Variants in PAX2 observed in about 807,000 individuals in gnomAD.
PAX2 encodes the protein paired box 2, also known as paired box protein Pax-2.
PAX2 carries 9 observed loss-of-function variants against 41.7 expected under a neutral mutation model. The ratio of observed to expected loss-of-function variants is 0.22; its 90% CI spans 0.13 to 0.38. PAX2 has a LOEUF of 0.38. PAX2 is among the 10% of genes least tolerant of loss of function. The pLI is 1.00. For missense variants in PAX2, 418 were observed against 531.6 expected (o/e 0.79, Z 2.10); for synonymous variants, 221 against 212.7 (o/e 1.04, Z -0.34).
intron 1 of PAX2, among the ~76,000 whole-genome samples, chr10:100,738,349 T>G (rs940654882): frequency 6.6e-6 from 1 of 152,176 alleles, no homozygotes; most frequent in African/African-American, 2.4e-5. Flanking sequence ...GCGGAGGCCT[T>G]GGCCTCGGAG....
chr10:100,803,228 AC>A (rs1847630699), intron 5 of PAX2, among the ~76,000 whole-genome samples: 1 of 151,752 alleles, frequency 6.6e-6, no homozygotes, highest in Non-Finnish European at 1.5e-5. Flanking sequence ...AAGTGTCCTC[AC>A]CCCAGCCAGC....
intron 5 of PAX2, among the ~76,000 whole-genome samples, chr10:100,805,605 C>A (rs1847751560): frequency 1.3e-5 from 2 of 152,216 alleles, no homozygotes; most frequent in African/African-American, 4.8e-5. Context: ...GGCCTGTAGA[C>A]TCAGGGGAGC....
intron 5 of PAX2, 108 bp from the exon 6 acceptor site, chr10:100,806,322 G>T: frequency 1.7e-6 from 2 of 1,144,966 alleles, no homozygotes; most frequent in Non-Finnish European, 2.6e-6. Flanking sequence ...TCCCATAGGG[G>T]TGCAGAGCTC....
intron 6 of PAX2, among the ~76,000 whole-genome samples, chr10:100,807,872 C>T (rs529626857): frequency 6.6e-6 from 1 of 152,378 alleles, no homozygotes; most frequent in East Asian, 1.9e-4. Flanking sequence ...TCCAACAGCT[C>T]CCAGCCACTC....
Position 100,750,565 on chromosome 10 carries a change from A to G in PAX2, c.213-129A>G, listed in dbSNP as rs1286410627. 1.3e-6 allele frequency: 1 copy of G among 791,366 alleles called. No homozygotes were observed. Among genetic ancestry groups the G allele is most frequent in the Non-Finnish European group, 2.1e-6 (1 of 481,812 alleles). 49.0% of individuals were successfully genotyped at this position (791,366 alleles called of 1,614,324 possible). A position where few individuals can be genotyped will look rare whatever the true frequency, so the allele number is the denominator to read the frequency against. On this transcript the variant is annotated intron_variant, in intron 2 of 9. Coordinates refer to ENST00000355243, the MANE Select transcript of PAX2 (RefSeq NM_000278.5). This position sits in a 1 kb window ranked among gnomAD's most constrained non-coding sequence, Gnocchi z 4.1. ...ACCCTCAGGAAGTCAGCTCAGCCAC[A>G]CTGGGCCTTTTCCCTCCACTCCGCT...
rs981985672 is a variant in PAX2 at position 100,747,613 on chromosome 10, C to G, written c.43+1310C>G. 9 of 983,306 alleles carry G rather than the reference C, an allele frequency of 9.2e-6. No individual in the cohort carries two copies. In the African/African-American group the frequency reaches 1.6e-4, roughly 17 times the overall value. 60.9% of individuals were successfully genotyped at this position (983,306 alleles called of 1,614,324 possible). A position where few individuals can be genotyped will look rare whatever the true frequency, so the allele number is the denominator to read the frequency against. ...GGACCTGTGTTTAGGACAAGAGAGCCGAGGAGGGAGAGCTGTGTTTTTCGC... is the reference window on the plus strand; with the variant it reads ...GGACCTGTGTTTAGGACAAGAGAGCGGAGGAGGGAGAGCTGTGTTTTTCGC... On this transcript the variant is annotated intron_variant, in intron 1 of 9. Coordinates refer to ENST00000355243, the MANE Select transcript of PAX2 (RefSeq NM_000278.5).
Position 100,828,554 on chromosome 10 carries a change from C to T in PAX2, c.*935C>T. On this transcript the variant is annotated 3_prime_UTR_variant, in exon 10 of 10. Transcript: ENST00000355243. This position sits in a 1 kb window ranked among gnomAD's most constrained non-coding sequence, Gnocchi z 6.5. ...CTGACTCGCAGCCCCATCGGACGCTCTCCCGGGACCGCCGCAGGACCAGTT... is the reference window on the plus strand; with the variant it reads ...CTGACTCGCAGCCCCATCGGACGCTTTCCCGGGACCGCCGCAGGACCAGTT... The T allele has an allele frequency of 4.3e-6, 1 of 233,368 alleles. No individual in the cohort carries two copies. 14.5% of individuals were successfully genotyped at this position (233,368 alleles called of 1,614,324 possible). A position where few individuals can be genotyped will look rare whatever the true frequency, so the allele number is the denominator to read the frequency against.
At chr10:100,823,844 G>A (rs76430126) in intron 7 of PAX2, among the ~76,000 whole-genome samples, 3,327 of 152,240 alleles carry the variant, frequency 0.022, 114 homozygotes, top group African/African-American at 0.072. Context: ...CGGTGGACCA[G>A]GGGTAGCACC....
rs577109795 is a variant in PAX2, at chr10:100,828,385, C to T, written c.*766C>T. On this transcript the variant is annotated 3_prime_UTR_variant, in exon 10 of 10. Transcript: ENST00000355243. The surrounding 1 kb of genome is among the most constrained non-coding windows in gnomAD (Gnocchi z 6.5). The stretch of plus-strand genomic sequence containing the variant: ...ACTGCTCCTCCTGGCCTGCCTAGTT[C>T]CCCAGGGCCCGGCACCTCCTGCTGC... 4.3e-6 allele frequency: 1 copy of T among 233,634 alleles called. No individual in the cohort carries two copies. The highest frequency in any genetic ancestry group is 2.2e-5 in the African/African-American group (1 of 45,434). The allele number at this position is 233,634 out of a possible 1,614,324, so 14.5% of individuals were successfully genotyped here. A position where few individuals can be genotyped will look rare whatever the true frequency, so the allele number is the denominator to read the frequency against.
chr10:100,827,171 C>T lies in PAX2; in HGVS notation c.1108+76C>T, dbSNP rs1848602774. On this transcript the variant is annotated intron_variant, in intron 9 of 9. Coordinates refer to ENST00000355243, the MANE Select transcript of PAX2 (RefSeq NM_000278.5). The surrounding 1 kb of genome is among the most constrained non-coding windows in gnomAD (Gnocchi z 8.5). ...TGGGCACGGTCCCACTCCCGGCGAC[C>T]CGACCTCTGGGGACCCGGCCGGGCC... is the stretch of plus-strand genomic sequence containing the variant. The T allele has an allele frequency of 1.6e-6, 2 of 1,245,306 alleles. No individual in the cohort carries two copies. Among genetic ancestry groups the T allele is most frequent in the South Asian group, 2.4e-5 (2 of 82,776 alleles). The allele number at this position is 1,245,306 out of a possible 1,614,324, so 77.1% of individuals were successfully genotyped here.
rs763790596 is a variant in PAX2 at position 100,786,900 on chromosome 10, T to C, written c.616+5535T>C. The C allele has an allele frequency of 1.0e-5, 13 of 1,241,462 alleles. No homozygotes were observed. The Admixed American group carries it at 2.5e-4, about 24-fold the overall frequency. The allele number at this position is 1,241,462 out of a possible 1,614,324, so 76.9% of individuals were successfully genotyped here. A position where few individuals can be genotyped will look rare whatever the true frequency, so the allele number is the denominator to read the frequency against. On this transcript the variant is annotated intron_variant, in intron 5 of 9. Transcript: ENST00000355243. ...GCCCCCAATCTTCTGCCTGCCTGTCTTTCGGGATCTCTCAGTGTTTGTCTG... is the reference window on the plus strand; with the variant it reads ...GCCCCCAATCTTCTGCCTGCCTGTCCTTCGGGATCTCTCAGTGTTTGTCTG...
intron 6 of PAX2, among the ~76,000 whole-genome samples, chr10:100,807,505 C>T (rs527885450): frequency 7.9e-5 from 12 of 151,938 alleles, no homozygotes; most frequent in Non-Finnish European, 1.6e-4. Context: ...CCCCCGACCA[C>T]AGCCCACGGT....
chr10:100,795,803 T>A (rs1847308196), intron 5 of PAX2, among the ~76,000 whole-genome samples: 1 of 152,242 alleles, frequency 6.6e-6, no homozygotes. Context: ...GGCCAGAGGT[T>A]ACCTGCCTGG....
chr10:100,751,943 T>C (rs1469890467), intron 3 of PAX2, among the ~76,000 whole-genome samples: 1 of 152,266 alleles, frequency 6.6e-6, no homozygotes, highest in Non-Finnish European at 1.5e-5. Flanking sequence ...TTTTGCATTC[T>C]TCATAAGCTC....
chr10:100,824,388 A>ACT lies in PAX2; in HGVS notation c.920-259_920-258insTC, dbSNP rs1848474143. 6.6e-6 allele frequency among the ~76,000 whole-genome samples: 1 copy of ACT among 151,754 alleles called. No individual in the cohort carries two copies. The highest frequency in any genetic ancestry group is 1.5e-5 in the Non-Finnish European group (1 of 67,914). ...CACACACACACACACACACACACAC[A>ACT]CACACACAAATACACAGAGACACAA... On this transcript the variant is annotated intron_variant, in intron 7 of 9. Coordinates refer to ENST00000355243, the MANE Select transcript of PAX2 (RefSeq NM_000278.5). This position sits in a 1 kb window ranked among gnomAD's most constrained non-coding sequence, Gnocchi z 6.6.
Position 100,746,034 on chromosome 10 carries a change from A to G in PAX2, c.-227A>G. ...GCTGACCGCCCAGCCCCGAGCCCCG[A>G]CAGTGGCAAGTTGCGGCTACTGCAG... is the stretch of plus-strand genomic sequence containing the variant. On this transcript the variant is annotated 5_prime_UTR_variant, in exon 1 of 10. Transcript: ENST00000355243. The G allele has an allele frequency of 7.0e-7, 1 of 1,435,394 alleles. No individual in the cohort carries two copies. The highest frequency in any genetic ancestry group is 9.1e-7 in the Non-Finnish European group (1 of 1,101,752). 88.9% of individuals were successfully genotyped at this position (1,435,394 alleles called of 1,614,324 possible).
At position 100,750,791 on chromosome 10, in the gene PAX2, C is replaced by A. The variant is rs922533851; in HGVS notation, c.310C>A (p.Arg104=). The A allele has an allele frequency of 8.1e-6, 13 of 1,614,188 alleles. No individual in the cohort carries two copies. Among genetic ancestry groups the A allele is most frequent in the Non-Finnish European group, 1.1e-5 (13 of 1,179,992 alleles). The part of the protein sequence containing the change: ...KVVDKIAEYK[R]QNPTMFAWEI... ...GGTGGACAAGATTGCTGAATACAAA[C>A]GACAGAACCCGACTATGTTCGCCTG... Residue 104 remains arginine, a synonymous_variant, in exon 3 of 10, where the codon CGA becomes AGA. Transcript: ENST00000355243. The surrounding 1 kb of genome is among the most constrained non-coding windows in gnomAD (Gnocchi z 4.1).
At chr10:100,740,313 G>A (rs1844908215) in intron 1 of PAX2, among the ~76,000 whole-genome samples, 1 of 152,132 alleles carries the variant, frequency 6.6e-6, no homozygotes, top group African/African-American at 2.4e-5. Context: ...TCCTCTAGCA[G>A]CTGCGCTGGT....
intron 3 of PAX2, among the ~76,000 whole-genome samples, chr10:100,776,581 T>C (rs550335266): frequency 6.6e-6 from 1 of 152,340 alleles, no homozygotes; most frequent in Admixed American, 6.5e-5. Flanking sequence ...TCTTGTCTTT[T>C]AAACACTCCT....
Sources: allele counts gnomAD v4.1 joint callset (sites outside exome capture counted in the v4.1 genomes callset), GRCh38; gene constraint gnomAD v4.1.1; non-coding constraint Gnocchi (gnomAD v3.1); transcripts MANE v1.5; gene names NCBI Gene and HGNC (gene_info 2026-07-23, HGNC 2026-07-21).